The following AGAP1 variants were observed in gnomAD, a reference collection of about 807,000 sequenced individuals.
AGAP1 encodes arf-GAP with GTPase, ANK repeat and PH domain-containing protein 1.
A neutral mutation model predicts 105.3 loss-of-function variants in AGAP1; 29 were observed. That is an observed-to-expected ratio of 0.28 (90% CI 0.21 to 0.38). The LOEUF is 0.38. Ranked by LOEUF, AGAP1 falls within the 10% of genes least tolerant of loss-of-function variation. AGAP1 has a pLI of 1.00. For missense variants in AGAP1, 998 were observed against 1,165.1 expected, an observed-to-expected ratio of 0.86 and a Z score of 2.09; for synonymous variants, 509 against 485.9, an observed-to-expected ratio of 1.05 and a Z score of -0.63.
At chr2:235,763,139 C>G (rs536406393) in intron 6 of AGAP1, among the ~76,000 whole-genome samples, 13 of 152,124 alleles carry the variant, frequency 8.5e-5, no homozygotes, top group Admixed American at 2.6e-4. Context: ...CATACTCTTT[C>G]ACATACACGT....
At position 236,023,003 on chromosome 2, in the gene AGAP1, A is replaced by T. The variant is rs576039664; in HGVS notation, c.1646-13558A>T. Among the ~76,000 whole-genome samples, 5 of 152,328 alleles carry T rather than the reference A, an allele frequency of 3.3e-5. No homozygotes were observed. In the East Asian group the frequency reaches 7.7e-4, roughly 23 times the overall value. On this transcript the variant is annotated intron_variant, in intron 13 of 17. Transcript: ENST00000304032. ...ACACGCCTATTTAATAGATGGTTTTAAAACAGAAATATTGGAGGATTTTAC... is the reference window on the plus strand; with the variant it reads ...ACACGCCTATTTAATAGATGGTTTTTAAACAGAAATATTGGAGGATTTTAC...
intron 1 of AGAP1, among the ~76,000 whole-genome samples, chr2:235,548,470 A>G (rs1321310877): frequency 2.0e-5 from 3 of 152,162 alleles, no homozygotes; most frequent in Non-Finnish European, 2.9e-5. Context: ...CCTGGCCAAC[A>G]TGGTGAAACC....
chr2:236,024,373 G>A (rs1036253392), intron 13 of AGAP1, among the ~76,000 whole-genome samples: 9 of 152,042 alleles, frequency 5.9e-5, no homozygotes, highest in South Asian at 2.1e-4. Flanking sequence ...ATCGTAGCTC[G>A]GGGCACAGAT....
intron 9 of AGAP1, among the ~76,000 whole-genome samples, chr2:235,880,552 G>C (rs2049966796): frequency 6.8e-6 from 1 of 147,478 alleles, no homozygotes; most frequent in Non-Finnish European, 1.5e-5. Flanking sequence ...CTAACATGGT[G>C]AAACCCCATT....
Position 236,105,590 on chromosome 2 carries a change from C to T in AGAP1, c.2115-14602C>T, listed in dbSNP as rs1376573992. Among the ~76,000 whole-genome samples, 3 of 130,774 alleles carry T rather than the reference C, an allele frequency of 2.3e-5. No individual in the cohort carries two copies. The highest frequency in any genetic ancestry group is 8.9e-5 in the African/African-American group (3 of 33,530). 85.8% of individuals were successfully genotyped at this position (130,774 alleles called of 152,430 possible). A position where few individuals can be genotyped will look rare whatever the true frequency, so the allele number is the denominator to read the frequency against. On this transcript the variant is annotated intron_variant, in intron 16 of 17. Coordinates refer to ENST00000304032, the MANE Select transcript of AGAP1 (RefSeq NM_001037131.3). This position sits in a 1 kb window ranked among gnomAD's most constrained non-coding sequence, Gnocchi z 4.2. ...TTTTTTTTTGAGACACAGTCTCGCT[C>T]TGTCACCCAGGCTGCAGTGCAGTGG...
At chr2:235,765,376 G>C (rs1447676422) in intron 6 of AGAP1, among the ~76,000 whole-genome samples, 1 of 152,054 alleles carries the variant, frequency 6.6e-6, no homozygotes, top group Non-Finnish European at 1.5e-5. Context: ...TTTCCCCATG[G>C]GTGGTAGTCT....
In AGAP1 at chr2:235,919,572, A is replaced by G. The variant is rs527761242; in HGVS notation, c.1324+10666A>G. On this transcript the variant is annotated intron_variant, in intron 11 of 17. Coordinates refer to ENST00000304032, the MANE Select transcript of AGAP1 (RefSeq NM_001037131.3). This position sits in a 1 kb window ranked among gnomAD's most constrained non-coding sequence, Gnocchi z 4.1. ...TTTGTAAGAACTGGAAAGCAGAGAA[A>G]GAAGTAGTAGTGAATACTTCTCAGG... Among the ~76,000 whole-genome samples the G allele has an allele frequency of 6.6e-6, 1 of 152,172 alleles. No individual in the cohort carries two copies.
At chr2:235,682,018 T>G (rs1949102971) in intron 1 of AGAP1, among the ~76,000 whole-genome samples, 1 of 151,588 alleles carries the variant, frequency 6.6e-6, no homozygotes, top group South Asian at 2.1e-4. Flanking sequence ...CCCAGCTAAT[T>G]TTTTTTGTAT....
intron 1 of AGAP1, among the ~76,000 whole-genome samples, chr2:235,598,129 G>T (rs1428129012): frequency 1.3e-5 from 2 of 151,906 alleles, no homozygotes; most frequent in Non-Finnish European, 2.9e-5. Flanking sequence ...TGTTTCCTTT[G>T]GGTCTTCCGG....
intron 1 of AGAP1, among the ~76,000 whole-genome samples, chr2:235,591,513 A>G (rs1246409226): frequency 6.6e-6 from 1 of 152,054 alleles, no homozygotes; most frequent in African/African-American, 2.4e-5. Context: ...CACAGAGGCA[A>G]ATGTGCCCCA....
intron 16 of AGAP1, among the ~76,000 whole-genome samples, chr2:236,086,838 G>C (rs779168993): frequency 6.6e-6 from 1 of 151,748 alleles, no homozygotes; most frequent in East Asian, 1.9e-4. Context: ...ATTTCTTCAA[G>C]TATGTGCCTC....
In AGAP1 at chr2:236,040,833, A is replaced by C; in HGVS notation, c.1883A>C (p.Glu628Ala). The C allele has an allele frequency of 6.2e-7, 1 of 1,614,168 alleles. No individual in the cohort carries two copies. The highest frequency in any genetic ancestry group is 8.5e-7 in the Non-Finnish European group (1 of 1,180,030). ...MRGNSHCVDC[E>A]TQNPNWASLN... ...GGGAACTCCCACTGTGTGGACTGCG[A>C]GACCCAGAGTAAGTGTGTGCGGTGG... Residue 628 changes from glutamate (E) to alanine (A), a missense_variant, in exon 15 of 18, where the codon GAG (glutamate) becomes GCG (alanine). Glu to Ala is a moderately radical substitution (Grantham distance 107, BLOSUM62 -1). Around this residue, in one of 3 missense-constraint regions of AGAP1, gnomAD observed 28 missense variants for 61.0 expected, o/e 0.46. Coordinates refer to ENST00000304032, the MANE Select transcript of AGAP1 (RefSeq NM_001037131.3). This position sits in a 1 kb window ranked among gnomAD's most constrained non-coding sequence, Gnocchi z 5.6.
chr2:235,814,367 A>G (rs961416802), intron 9 of AGAP1, among the ~76,000 whole-genome samples: 2 of 152,246 alleles, frequency 1.3e-5, no homozygotes, highest in African/African-American at 4.8e-5. Flanking sequence ...CCTTGAGCTC[A>G]GAAATACAAG....
Position 235,988,358 on chromosome 2 carries a change from T to C in AGAP1, c.1645+19735T>C, listed in dbSNP as rs1366180178. Among the ~76,000 whole-genome samples the C allele has an allele frequency of 6.6e-6, 1 of 152,144 alleles. No homozygotes were observed. The highest frequency in any genetic ancestry group is 1.9e-4 in the East Asian group (1 of 5,184). ...GTGCCTGGCCTAAAACTCCTTTTGA[T>C]TGGTGCGTGGGTGACAATGGATTCC... is the stretch of plus-strand genomic sequence containing the variant. On this transcript the variant is annotated intron_variant, in intron 13 of 17. Coordinates refer to ENST00000304032, the MANE Select transcript of AGAP1 (RefSeq NM_001037131.3). The surrounding 1 kb of genome is among the most constrained non-coding windows in gnomAD (Gnocchi z 4.7).
In AGAP1 at chr2:235,992,834, G is replaced by A. The variant is rs1033244391; in HGVS notation, c.1645+24211G>A. On this transcript the variant is annotated intron_variant, in intron 13 of 17. Transcript: ENST00000304032. The surrounding 1 kb of genome is among the most constrained non-coding windows in gnomAD (Gnocchi z 4.8). ...GACCAGCCGTTTCCACGCACAGGCTGCACATTGTTTCATGGCCTTTGCAGT... is the reference window on the plus strand; with the variant it reads ...GACCAGCCGTTTCCACGCACAGGCTACACATTGTTTCATGGCCTTTGCAGT... Among the ~76,000 whole-genome samples, 14 of 152,264 alleles carry A rather than the reference G, an allele frequency of 9.2e-5. No individual in the cohort carries two copies. The East Asian group carries it at 2.7e-3, about 29-fold the overall frequency.
chr2:235,624,500 T>C (rs111516336), intron 1 of AGAP1, among the ~76,000 whole-genome samples: 3 of 152,356 alleles, frequency 2.0e-5, no homozygotes, highest in African/African-American at 7.2e-5. Context: ...TCTGGTTCTT[T>C]CATTTTACCT....
At chr2:235,815,950 G>A (rs202023721) in intron 9 of AGAP1, among the ~76,000 whole-genome samples, 3 of 152,180 alleles carry the variant, frequency 2.0e-5, no homozygotes, top group African/African-American at 7.2e-5. Flanking sequence ...CTTCCCTTGC[G>A]GAGGCAGCTC....
rs1036686112 is a variant in AGAP1, at chr2:235,569,157, G to A, written c.163+74308G>A. On this transcript the variant is annotated intron_variant, in intron 1 of 17. Coordinates refer to ENST00000304032, the MANE Select transcript of AGAP1 (RefSeq NM_001037131.3). This position sits in a 1 kb window ranked among gnomAD's most constrained non-coding sequence, Gnocchi z 5.9. ...TGGCGGAAACCCGTCTCTATTAAAA[G>A]TATAAAAATTAGCTGGGTGTGGTGG... 6.6e-6 allele frequency among the ~76,000 whole-genome samples: 1 copy of A among 152,158 alleles called. No individual in the cohort carries two copies. Among genetic ancestry groups the A allele is most frequent in the African/African-American group, 2.4e-5 (1 of 41,446 alleles).
chr2:235,618,459 T>G (rs1218203931), intron 1 of AGAP1, among the ~76,000 whole-genome samples: 1 of 152,156 alleles, frequency 6.6e-6, no homozygotes, highest in Non-Finnish European at 1.5e-5. Context: ...GGTCTGGTCT[T>G]TCTTAGTTTT....
Sources: gnomAD v4.1 joint callset for allele counts (sites outside exome capture counted in the v4.1 genomes callset) on GRCh38, gnomAD v4.1.1 for gene constraint, gnomAD v4.1.1 regional missense constraint, Gnocchi (gnomAD v3.1) non-coding constraint, MANE v1.5 for transcripts, NCBI Gene and HGNC (gene_info 2026-07-23, HGNC 2026-07-21) for gene names.